Variants in CAMTA1 observed in about 807,000 individuals in gnomAD.
The protein encoded by CAMTA1 is calmodulin binding transcription activator 1.
CAMTA1 carries 27 observed loss-of-function variants against 170.9 expected under a neutral mutation model. The ratio of observed to expected loss-of-function variants is 0.16; its 90% CI spans 0.12 to 0.22. CAMTA1 has a LOEUF of 0.22. Among genes scored for constraint, CAMTA1 ranks in the 10% least tolerant of loss-of-function variants. The pLI, the probability that CAMTA1 is intolerant of heterozygous loss-of-function variation, is 1.00. For synonymous variants in CAMTA1, 833 were observed against 891.5 expected (o/e 0.93, Z 1.17); for missense variants, 1,619 against 2,217.2 (o/e 0.73, Z 5.42).
chr1:7,389,731 T>C (rs569637596), intron 5 of CAMTA1: 1 of 152,510 alleles, frequency 6.6e-6, no homozygotes, highest in Admixed American at 6.5e-5. Flanking sequence ...GCCTTCACAG[T>C]GGTCTGGACA....
intron 3 of CAMTA1, among the ~76,000 whole-genome samples, chr1:6,963,720 G>A (rs952168379): frequency 1.3e-5 from 2 of 152,150 alleles, no homozygotes; most frequent in African/African-American, 2.4e-5. Flanking sequence ...TGGCTGGGGG[G>A]GCGCGCTCCC....
At chr1:7,604,893 C>T (rs1160054205) in intron 6 of CAMTA1, among the ~76,000 whole-genome samples, 1 of 152,184 alleles carries the variant, frequency 6.6e-6, no homozygotes, top group Admixed American at 6.5e-5. Flanking sequence ...AGTTTTCCTT[C>T]TAACAGTCAG....
intron 3 of CAMTA1, among the ~76,000 whole-genome samples, chr1:6,861,758 AT>A: frequency 6.6e-6 from 1 of 152,288 alleles, no homozygotes; most frequent in South Asian, 2.1e-4. Context: ...TGTCTTAACC[AT>A]TTAAACATTC....
At chr1:7,210,142 A>C (rs1410467268) in intron 4 of CAMTA1, among the ~76,000 whole-genome samples, 2 of 152,232 alleles carry the variant, frequency 1.3e-5, no homozygotes, top group African/African-American at 4.8e-5. Flanking sequence ...TGCAACCAAC[A>C]ATATCCTTTA....
At chr1:7,706,893 T>TG (rs1266994598) in intron 11 of CAMTA1, among the ~76,000 whole-genome samples, 1 of 150,644 alleles carries the variant, frequency 6.6e-6, no homozygotes, top group Non-Finnish European at 1.5e-5. Flanking sequence ...ATTCTTTTTT[T>TG]TTTTTTTTTT....
intron 18 of CAMTA1, among the ~76,000 whole-genome samples, chr1:7,747,015 A>T (rs1401211429): frequency 6.6e-6 from 1 of 152,246 alleles, no homozygotes; most frequent in African/African-American, 2.4e-5. Context: ...ATGAGTTCAT[A>T]GAATTTTTAA....
intron 4 of CAMTA1, among the ~76,000 whole-genome samples, chr1:7,158,960 T>C (rs1647047910): frequency 6.6e-6 from 1 of 150,614 alleles, no homozygotes; most frequent in Non-Finnish European, 1.5e-5. Flanking sequence ...AGTTCCTAAG[T>C]TGGGGTGAGG....
chr1:7,276,303 A>ATATATATATATATATATTTTTTTTTTT, intron 5 of CAMTA1, among the ~76,000 whole-genome samples: 1 of 24,230 alleles, frequency 4.1e-5, no homozygotes, highest in Non-Finnish European at 6.1e-5. Flanking sequence ...ATATATATAT[A>ATATATATATATATATATTTTTTTTTTT]TTTTTTTTTT....
At position 7,333,917 on chromosome 1, in the gene CAMTA1, G is replaced by C. The variant is rs2083191004; in HGVS notation, c.438+84291G>C. On this transcript the variant is annotated intron_variant, in intron 5 of 22. Transcript: ENST00000303635. This position sits in a 1 kb window ranked among gnomAD's most constrained non-coding sequence, Gnocchi z 4.4. ...TTACATTTATCAAGGAAAGAGGTGG[G>C]GTTGGAAACTGCCAAGCAGCAGGGC... Among the ~76,000 whole-genome samples the C allele has an allele frequency of 6.6e-6, 1 of 152,240 alleles. No individual in the cohort carries two copies. The highest frequency in any genetic ancestry group is 2.1e-4 in the South Asian group (1 of 4,816).
intron 4 of CAMTA1, among the ~76,000 whole-genome samples, chr1:7,101,847 A>C (rs1642751720): frequency 6.6e-6 from 1 of 152,236 alleles, no homozygotes. Flanking sequence ...GCACATACAC[A>C]CATATGCATG....
intron 8 of CAMTA1, among the ~76,000 whole-genome samples, chr1:7,662,259 A>G (rs546273132): frequency 6.6e-6 from 1 of 152,370 alleles, no homozygotes; most frequent in Admixed American, 6.5e-5. Flanking sequence ...CGTCAGTGAC[A>G]CCACGCAGGC....
rs540533909 is a variant in CAMTA1, at chr1:7,471,459, A to G, written c.510+3558A>G. On this transcript the variant is annotated intron_variant, in intron 6 of 22. Coordinates refer to ENST00000303635, the MANE Select transcript of CAMTA1 (RefSeq NM_015215.4). The stretch of plus-strand genomic sequence containing the variant: ...GGCAGGGCCAGAGCCATGACCTGGA[A>G]GAGGCCACCTCTTCCCCTCTGCTGG... Among the ~76,000 whole-genome samples, 8 of 152,362 alleles carry G rather than the reference A, an allele frequency of 5.3e-5. No homozygotes were observed. The South Asian group carries it at 1.7e-3, about 32-fold the overall frequency.
chr1:7,192,600 G>A (rs1027198616), intron 4 of CAMTA1, among the ~76,000 whole-genome samples: 6 of 152,224 alleles, frequency 3.9e-5, no homozygotes, highest in African/African-American at 1.4e-4. Flanking sequence ...CCATTGAGCC[G>A]AGTGCCACCT....
chr1:7,654,161 A>T lies in CAMTA1; in HGVS notation c.665-7565A>T, dbSNP rs868179509. The stretch of plus-strand genomic sequence containing the variant: ...TTCAGGAGGCCGAGGTGGGTGTATC[A>T]CTTGAGGTCAGGAGTTCAAGACCAG... On this transcript the variant is annotated intron_variant, in intron 7 of 22. Coordinates refer to ENST00000303635, the MANE Select transcript of CAMTA1 (RefSeq NM_015215.4). 2.0e-5 allele frequency among the ~76,000 whole-genome samples: 3 copies of T among 151,900 alleles called. No individual in the cohort carries two copies. The South Asian group carries it at 6.2e-4, about 32-fold the overall frequency.
At chr1:7,491,351 C>T (rs977782946) in intron 6 of CAMTA1, among the ~76,000 whole-genome samples, 3 of 152,214 alleles carry the variant, frequency 2.0e-5, no homozygotes, top group African/African-American at 4.8e-5. Context: ...GGTGATTTCA[C>T]AAACACAAAC....
chr1:6,926,580 C>T (rs1463596548), intron 3 of CAMTA1, among the ~76,000 whole-genome samples: 2 of 138,862 alleles, frequency 1.4e-5, no homozygotes, highest in Non-Finnish European at 3.1e-5. Context: ...CTCTCCTTCT[C>T]TCTCTCCCTT....
chr1:7,649,311 C>T (rs1051063544), intron 7 of CAMTA1, among the ~76,000 whole-genome samples: 1 of 152,220 alleles, frequency 6.6e-6, no homozygotes, highest in Non-Finnish European at 1.5e-5. Flanking sequence ...AGGCCCGGCT[C>T]CCTGCCTGCA....
At chr1:7,332,526 T>A (rs2083095895) in intron 5 of CAMTA1, among the ~76,000 whole-genome samples, 1 of 152,240 alleles carries the variant, frequency 6.6e-6, no homozygotes, top group African/African-American at 2.4e-5. Flanking sequence ...CTGTCTGTTG[T>A]CTATTCACGG....
chr1:7,564,917 G>A (rs1392306359), intron 6 of CAMTA1, among the ~76,000 whole-genome samples: 1 of 151,886 alleles, frequency 6.6e-6, no homozygotes, highest in African/African-American at 2.4e-5. Context: ...GAGAAGGAGG[G>A]TGGGGGACAG....
Sources: gnomAD v4.1 joint callset for allele counts (sites outside exome capture counted in the v4.1 genomes callset) on GRCh38, gnomAD v4.1.1 for gene constraint, Gnocchi (gnomAD v3.1) non-coding constraint, MANE v1.5 for transcripts, NCBI Gene and HGNC (gene_info 2026-07-23, HGNC 2026-07-21) for gene names.